Variants in GCSAML observed in about 807,000 individuals in gnomAD.
GCSAML encodes the protein germinal center-associated signaling and motility-like protein.
GCSAML carries 9 observed loss-of-function variants against 13.0 expected under a neutral mutation model. The observed-to-expected ratio is 0.69, with a 90% CI of 0.42 to 1.21. The LOEUF (loss-of-function observed/expected upper bound fraction) is 1.21, where lower values mean the gene tolerates loss of function less well. GCSAML is among the 50% of genes most tolerant of loss of function. The pLI, the probability that GCSAML is intolerant of heterozygous loss-of-function variation, is 0.00. For synonymous variants in GCSAML, 37 were observed against 52.9 expected, an observed-to-expected ratio of 0.70 and a Z score of 1.31; for missense variants, 143 against 153.4, an observed-to-expected ratio of 0.93 and a Z score of 0.36.
At chr1:247,517,668 GCTTT>G (rs1414008534) in intron 1 of GCSAML, among the ~76,000 whole-genome samples, 2 of 152,118 alleles carry the variant, frequency 1.3e-5, no homozygotes. Context: ...AAAAGTTTTA[GCTTT>G]CTTCTCTTCA....
chr1:247,548,892 T>C (rs776596965), upstream of GCSAML, among the ~76,000 whole-genome samples: 10 of 152,210 alleles, frequency 6.6e-5, no homozygotes, highest in Non-Finnish European at 1.3e-4. The surrounding 1 kb of genome is among the most constrained non-coding windows in gnomAD (Gnocchi z 5.3). Context: ...AGTGATAGAT[T>C]CACTTTCATG....
intron 2 of GCSAML, among the ~76,000 whole-genome samples, chr1:247,534,357 T>C (rs576884609): frequency 6.6e-6 from 1 of 152,144 alleles, no homozygotes; most frequent in African/African-American, 2.4e-5. Flanking sequence ...AAAGGTTCTG[T>C]GGGGTGGAAG....
intron 1 of GCSAML, among the ~76,000 whole-genome samples, chr1:247,510,095 A>G (rs1000317203): frequency 1.3e-5 from 2 of 151,976 alleles, no homozygotes; most frequent in Non-Finnish European, 2.9e-5. Context: ...TCCTCCTTGT[A>G]CCTCTGGTAG....
chr1:247,563,119 A>G (rs1668201107), intron 2 of GCSAML, among the ~76,000 whole-genome samples: 1 of 151,612 alleles, frequency 6.6e-6, no homozygotes, highest in Non-Finnish European at 1.5e-5. Flanking sequence ...AAGTGCTGGG[A>G]TCACAGGCAT....
intron 2 of GCSAML, chr1:247,532,506 C>T (rs764964001): frequency 7.4e-6 from 12 of 1,612,740 alleles, no homozygotes; most frequent in Middle Eastern, 1.6e-4. Context: ...TGGCTATTTC[C>T]ATCATTGTAT....
chr1:247,572,321 T>G (rs935631700), intron 4 of GCSAML, among the ~76,000 whole-genome samples: 1 of 152,224 alleles, frequency 6.6e-6, no homozygotes, highest in African/African-American at 2.4e-5. Context: ...AGCTGCTTTT[T>G]CTTCATCTTT....
chr1:247,532,305 G>A, intron 2 of GCSAML: 2 of 1,614,216 alleles, frequency 1.2e-6, no homozygotes, highest in South Asian at 1.1e-5. Flanking sequence ...TCATGTCCAG[G>A]AAGGGGAGGT....
At chr1:247,509,322 T>C (rs921441774) in intron 1 of GCSAML, among the ~76,000 whole-genome samples, 3 of 152,222 alleles carry the variant, frequency 2.0e-5, no homozygotes, top group African/African-American at 4.8e-5. Flanking sequence ...ATTATTGGTG[T>C]ATAGAAATGC....
chr1:247,554,384 G>T (rs1440433661), intron 1 of GCSAML, among the ~76,000 whole-genome samples: 1 of 151,604 alleles, frequency 6.6e-6, no homozygotes, highest in East Asian at 1.9e-4. Context: ...TCTTTAGTTG[G>T]TCTTTCCAGA....
chr1:247,521,113 A>G (rs867320584), intron 1 of GCSAML, among the ~76,000 whole-genome samples: 2 of 136,904 alleles, frequency 1.5e-5, no homozygotes, highest in Non-Finnish European at 3.2e-5. Context: ...ACATTCTTGC[A>G]TTTTTTTTTT....
chr1:247,534,512 C>T (rs950555767), intron 2 of GCSAML, among the ~76,000 whole-genome samples: 12 of 152,202 alleles, frequency 7.9e-5, no homozygotes, highest in East Asian at 1.9e-4. Context: ...TGGAATAAAA[C>T]GAGCACGATT....
chr1:247,555,320 G>A (rs1667912443), intron 1 of GCSAML, among the ~76,000 whole-genome samples: 1 of 152,086 alleles, frequency 6.6e-6, no homozygotes, highest in Admixed American at 6.6e-5. Context: ...GGGGAAAAAA[G>A]GAGACAGTTA....
rs35205676 is a variant in GCSAML at position 247,563,006 on chromosome 1, AT to A, written c.90-568del. On this transcript the variant is annotated intron_variant, in intron 2 of 4. Transcript: ENST00000366488. ...AAGTGCATGCCACCGTACCCAGCTCATTTTTTTTTTTTTTTTGTATTTTAGT... is the reference window on the plus strand; with the variant it reads ...AAGTGCATGCCACCGTACCCAGCTCATTTTTTTTTTTTTTTGTATTTTAGT... 1.6e-3 allele frequency among the ~76,000 whole-genome samples: 211 copies of A among 134,632 alleles called. 1 individual carries two copies. Among genetic ancestry groups the A allele is most frequent in the Middle Eastern group, 7.9e-3 (2 of 254 alleles). The allele number at this position is 134,632 out of a possible 152,430, so 88.3% of individuals were successfully genotyped here.
rs922173907 is a variant in GCSAML at position 247,575,276 on chromosome 1, G to A, written c.*894G>A. The stretch of plus-strand genomic sequence containing the variant: ...GAGAGTGTATCCCAGGCCATGGTAA[G>A]TCATGTTGGCTCAGAATCAACCTCT... On this transcript the variant is annotated 3_prime_UTR_variant, in exon 5 of 5. Transcript: ENST00000366488. The A allele has an allele frequency of 9.9e-5, 15 of 152,278 alleles. No homozygotes were observed. Among genetic ancestry groups the A allele is most frequent in the African/African-American group, 2.9e-4 (12 of 41,572 alleles). 9.4% of individuals were successfully genotyped at this position (152,278 alleles called of 1,614,324 possible). A position where few individuals can be genotyped will look rare whatever the true frequency, so the allele number is the denominator to read the frequency against.
At chr1:247,525,886 T>C (rs1411955670) in intron 1 of GCSAML, 1 of 152,228 alleles carries the variant, frequency 6.6e-6, no homozygotes, top group Middle Eastern at 3.2e-3. Context: ...AACATACAAG[T>C]ACCACTTTAA....
chr1:247,515,711 C>T (rs1666186591), intron 1 of GCSAML, among the ~76,000 whole-genome samples: 1 of 152,172 alleles, frequency 6.6e-6, no homozygotes, highest in Admixed American at 6.5e-5. Context: ...AGGTGCCACA[C>T]ACTTTTAAAC....
At chr1:247,560,899 T>C (rs758425326) in intron 2 of GCSAML, among the ~76,000 whole-genome samples, 12 of 152,176 alleles carry the variant, frequency 7.9e-5, no homozygotes, top group Admixed American at 2.0e-4. Context: ...AGTATTTATT[T>C]TATGACTTTT....
intron 1 of GCSAML, among the ~76,000 whole-genome samples, chr1:247,518,250 C>T (rs924758970): frequency 1.5e-4 from 23 of 152,250 alleles, no homozygotes; most frequent in South Asian, 2.1e-4. Context: ...GGTGCAGTCA[C>T]CGCTGCCTCT....
chr1:247,554,891 A>AATTATTCAT (rs1472209446), intron 1 of GCSAML, among the ~76,000 whole-genome samples: 1 of 152,160 alleles, frequency 6.6e-6, no homozygotes. Flanking sequence ...AGGTATAAAA[A>AATTATTCAT]ATTATTCATA....
Sources: allele counts gnomAD v4.1 joint callset (sites outside exome capture counted in the v4.1 genomes callset), GRCh38; gene constraint gnomAD v4.1.1; non-coding constraint Gnocchi (gnomAD v3.1); transcripts MANE v1.5; gene names NCBI Gene and HGNC (gene_info 2026-07-23, HGNC 2026-07-21).